Variants in CSTA observed in about 807,000 individuals in gnomAD.
CSTA encodes cystatin-A.
A neutral mutation model predicts 9.2 loss-of-function variants in CSTA; 9 were observed. The observed-to-expected ratio is 0.97, with a 90% confidence interval of 0.59 to 1.70. CSTA has a LOEUF of 1.70. Ranked by LOEUF, CSTA falls within the 40% of genes most tolerant of loss-of-function variation. CSTA has a pLI of 0.00. For synonymous variants in CSTA, 36 were observed against 40.6 expected, an observed-to-expected ratio of 0.89 and a Z score of 0.43; for missense variants, 118 against 113.1, an observed-to-expected ratio of 1.04 and a Z score of -0.20.
At chr3:122,328,839 G>A (rs2075185344) in intron 1 of CSTA, among the ~76,000 whole-genome samples, 1 of 151,836 alleles carries the variant, frequency 6.6e-6, no homozygotes, top group African/African-American at 2.4e-5. Context: ...TACTCAGGAG[G>A]CTGAGGCAGG....
At chr3:122,328,431 C>T (rs889951212) in intron 1 of CSTA, among the ~76,000 whole-genome samples, 2 of 139,442 alleles carry the variant, frequency 1.4e-5, no homozygotes, top group African/African-American at 5.3e-5. Flanking sequence ...ACCCGGGAGG[C>T]GGAGGCCACA....
chr3:122,339,243 C>G (rs1278911716), intron 2 of CSTA, among the ~76,000 whole-genome samples: 1 of 152,222 alleles, frequency 6.6e-6, no homozygotes, highest in African/African-American at 2.4e-5. Context: ...ATTCCCTTAT[C>G]TGCACAATGA....
chr3:122,333,893 T>C (rs2075222038), intron 1 of CSTA, among the ~76,000 whole-genome samples: 1 of 152,238 alleles, frequency 6.6e-6, no homozygotes, highest in Non-Finnish European at 1.5e-5. Context: ...TAAGCAGTCA[T>C]GCTCAACTCA....
Position 122,341,825 on chromosome 3 carries a change from A to C in CSTA, c.*258A>C, listed in dbSNP as rs1397542384. The C allele has an allele frequency of 2.3e-6, 1 of 439,764 alleles. No individual in the cohort carries two copies. Among genetic ancestry groups the C allele is most frequent in the Non-Finnish European group, 4.2e-6 (1 of 239,420 alleles). 27.2% of individuals were successfully genotyped at this position (439,764 alleles called of 1,614,324 possible). ...AGTCAAGCCTAATGCAACTGGCTAA[A>C]GGATAGTACCACCCTCACCCCCACC... On this transcript the variant is annotated 3_prime_UTR_variant, in exon 3 of 3. Coordinates refer to ENST00000264474, the MANE Select transcript of CSTA (RefSeq NM_005213.4).
At chr3:122,330,204 T>C (rs2075196256) in intron 1 of CSTA, among the ~76,000 whole-genome samples, 2 of 152,372 alleles carry the variant, frequency 1.3e-5, no homozygotes, top group East Asian at 1.9e-4. Context: ...ACCTGTCACT[T>C]ACTTGCTAGT....
At chr3:122,332,869 C>T (rs1476589136) in intron 1 of CSTA, among the ~76,000 whole-genome samples, 1 of 152,196 alleles carries the variant, frequency 6.6e-6, no homozygotes, top group Non-Finnish European at 1.5e-5. Flanking sequence ...TAGTGCCCAT[C>T]CTGGGGAGTC....
intron 1 of CSTA, among the ~76,000 whole-genome samples, chr3:122,336,833 T>C (rs528219879): frequency 6.6e-6 from 1 of 152,332 alleles, no homozygotes; most frequent in South Asian, 2.1e-4. Context: ...CTTACAAACA[T>C]GTATAATACT....
At chr3:122,339,840 C>G (rs181008707) in intron 2 of CSTA, among the ~76,000 whole-genome samples, 1 of 152,224 alleles carries the variant, frequency 6.6e-6, no homozygotes, top group Admixed American at 6.5e-5. Context: ...AGGCCTCATT[C>G]CCCGATCAGT....
At chr3:122,335,383 G>C (rs185411936) in intron 1 of CSTA, among the ~76,000 whole-genome samples, 11 of 152,256 alleles carry the variant, frequency 7.2e-5, no homozygotes, top group Non-Finnish European at 1.3e-4. Context: ...TGCAATCACA[G>C]GGTCTTTATA....
At chr3:122,336,547 C>A (rs1017562226) in intron 1 of CSTA, among the ~76,000 whole-genome samples, 1 of 152,082 alleles carries the variant, frequency 6.6e-6, no homozygotes, top group Non-Finnish European at 1.5e-5. Flanking sequence ...ATAATAAATG[C>A]ACAAGAAATG....
At position 122,341,549 on chromosome 3, in the gene CSTA, C is replaced by A. The variant is rs569377469; in HGVS notation, c.279C>A (p.Asp93Glu). The A allele has an allele frequency of 6.2e-7, 1 of 1,614,086 alleles. No homozygotes were observed. The highest frequency in any genetic ancestry group is 8.5e-7 in the Non-Finnish European group (1 of 1,179,990). The change falls in exon 3 of 3, where the codon GAC becomes GAA. Residue 93 changes from aspartate to glutamate, a missense_variant. By Grantham distance (45) the Asp-to-Glu change is conservative (BLOSUM62 2). Coordinates refer to ENST00000264474, the MANE Select transcript of CSTA (RefSeq NM_005213.4). ...TGYQVDKNKD[D>E]ELTGF ...ACCAGGTTGACAAAAACAAGGATGA[C>A]GAGCTGACGGGCTTTTAGCAGCATG...
intron 1 of CSTA, among the ~76,000 whole-genome samples, chr3:122,327,080 A>G (rs1441704365): frequency 6.6e-6 from 1 of 151,962 alleles, no homozygotes; most frequent in Non-Finnish European, 1.5e-5. Flanking sequence ...TCTACTAAAA[A>G]TACAAAAATT....
At position 122,341,721 on chromosome 3, in the gene CSTA, T is replaced by C; in HGVS notation, c.*154T>C. 3 of 938,932 alleles carry C rather than the reference T, an allele frequency of 3.2e-6. No homozygotes were observed. Among genetic ancestry groups the C allele is most frequent in the Non-Finnish European group, 4.8e-6 (3 of 624,154 alleles). The allele number at this position is 938,932 out of a possible 1,614,324, so 58.2% of individuals were successfully genotyped here. On this transcript the variant is annotated 3_prime_UTR_variant, in exon 3 of 3. Coordinates refer to ENST00000264474, the MANE Select transcript of CSTA (RefSeq NM_005213.4). ...ATTGTATTAAGCAGAAATTACCTTT[T>C]CTTTCTCAAAATCAGTGTTATTGCT...
At chr3:122,326,740 T>A (rs960889626) in intron 1 of CSTA, among the ~76,000 whole-genome samples, 4 of 152,236 alleles carry the variant, frequency 2.6e-5, no homozygotes, top group Non-Finnish European at 5.9e-5. Context: ...ATCAGATCAA[T>A]GTTCTCAAAC....
chr3:122,337,449 T>C (rs1263484881), intron 1 of CSTA, 98 bp from the exon 2 acceptor site: 5 of 764,438 alleles, frequency 6.5e-6, no homozygotes, highest in African/African-American at 3.5e-5. Context: ...TTACCATCTT[T>C]GAAGACTTTT....
intron 1 of CSTA, among the ~76,000 whole-genome samples, chr3:122,328,618 G>C (rs2075184061): frequency 6.6e-6 from 1 of 152,008 alleles, no homozygotes; most frequent in Non-Finnish European, 1.5e-5. Flanking sequence ...TTAGGAAACG[G>C]AAATACACTG....
In CSTA at chr3:122,341,738, G is replaced by A. The variant is rs888639995; in HGVS notation, c.*171G>A. The A allele has an allele frequency of 1.1e-5, 9 of 802,252 alleles. No individual in the cohort carries two copies. Among genetic ancestry groups the A allele is most frequent in the Admixed American group, 2.7e-5 (1 of 36,820 alleles). 49.7% of individuals were successfully genotyped at this position (802,252 alleles called of 1,614,324 possible). A position where few individuals can be genotyped will look rare whatever the true frequency, so the allele number is the denominator to read the frequency against. ...TTACCTTTTCTTTCTCAAAATCAGT[G>A]TTATTGCTTTAGAGTATAAACTCCA... On this transcript the variant is annotated 3_prime_UTR_variant, in exon 3 of 3. Coordinates refer to ENST00000264474, the MANE Select transcript of CSTA (RefSeq NM_005213.4).
chr3:122,326,677 T>A (rs2075172187), intron 1 of CSTA, among the ~76,000 whole-genome samples: 2 of 152,204 alleles, frequency 1.3e-5, no homozygotes, highest in Non-Finnish European at 2.9e-5. Context: ...ATCTTGGAGC[T>A]TTTTTCCTGG....
At chr3:122,329,551 G>A (rs1347709741) in intron 1 of CSTA, among the ~76,000 whole-genome samples, 1 of 152,106 alleles carries the variant, frequency 6.6e-6, no homozygotes, top group African/African-American at 2.4e-5. Flanking sequence ...GGCCAACAAA[G>A]CGAGACTCTG....
Sources: gnomAD v4.1 joint callset for allele counts (sites outside exome capture counted in the v4.1 genomes callset) on GRCh38, gnomAD v4.1.1 for gene constraint, MANE v1.5 for transcripts, NCBI Gene and HGNC (gene_info 2026-07-23, HGNC 2026-07-21) for gene names.